NEGR1: variants seen among roughly 807,000 people sequenced by gnomAD.
NEGR1 encodes IgLON family member 4.
NEGR1 carries 10 observed loss-of-function variants against 40.9 expected under a neutral mutation model. That is an observed-to-expected ratio of 0.24 (90% confidence interval 0.15 to 0.42). NEGR1 has a LOEUF of 0.42. Ranked by LOEUF, NEGR1 falls within the 10% of genes least tolerant of loss-of-function variation. The probability of loss-of-function intolerance (pLI) is 1.00; values close to 1 mark genes in which losing one functional copy is unlikely to be tolerated. For synonymous variants in NEGR1, 185 were observed against 166.8 expected (o/e 1.11, Z -0.84); for missense variants, 352 against 438.9 (o/e 0.80, Z 1.77).
chr1:71,991,549 C>T (rs1435926899), intron 1 of NEGR1, among the ~76,000 whole-genome samples: 1 of 152,172 alleles, frequency 6.6e-6, no homozygotes, highest in Non-Finnish European at 1.5e-5. Context: ...GGTCCTAAAA[C>T]TTAGCTTCAA....
intron 1 of NEGR1, among the ~76,000 whole-genome samples, chr1:72,241,802 A>T (rs1022024304): frequency 6.6e-6 from 1 of 151,788 alleles, no homozygotes; most frequent in Admixed American, 6.6e-5. Flanking sequence ...TGGAAAAAAA[A>T]GTAACAACAC....
At chr1:71,847,293 T>C (rs750493733) in intron 2 of NEGR1, among the ~76,000 whole-genome samples, 5 of 152,240 alleles carry the variant, frequency 3.3e-5, no homozygotes, top group Non-Finnish European at 5.9e-5. Flanking sequence ...CATAATGTTT[T>C]GAAATGCAGG....
chr1:71,786,891 C>T (rs1418004632), intron 2 of NEGR1, among the ~76,000 whole-genome samples: 3 of 152,164 alleles, frequency 2.0e-5, no homozygotes, highest in Non-Finnish European at 4.4e-5. Context: ...TATTTGTTTC[C>T]GGTACTGTTC....
intron 1 of NEGR1, among the ~76,000 whole-genome samples, chr1:72,143,895 TTATA>T (rs531659289): frequency 2.1e-5 from 2 of 95,836 alleles, no homozygotes; most frequent in Non-Finnish European, 4.1e-5. Context: ...TATATATATA[TTATA>T]TATATGATAT....
At chr1:71,834,886 A>AACACACACACACACACACACACACAC (rs1330229060) in intron 2 of NEGR1, among the ~76,000 whole-genome samples, 3,297 of 78,094 alleles carry the variant, frequency 0.042, 54 homozygotes, top group Middle Eastern at 0.17. Context: ...ATTTTAGGAG[A>AACACACACACACACACACACACACAC]TCACACACAC....
rs146903844 is a variant in NEGR1 at position 71,715,556 on chromosome 1, A to C, written c.536-17417T>G. ...GAATGCATAAAACTGAATGCTTTTA[A>C]GAGCACCCAAGTCACTCCTTGAACA... On this transcript the variant is annotated intron_variant, in intron 3 of 6. Coordinates refer to ENST00000357731, the MANE Select transcript of NEGR1 (RefSeq NM_173808.3). Among the ~76,000 whole-genome samples the C allele has an allele frequency of 2.0e-5, 3 of 152,304 alleles. No homozygotes were observed. The East Asian group carries it at 5.8e-4, about 29-fold the overall frequency.
intron 3 of NEGR1, among the ~76,000 whole-genome samples, chr1:71,699,699 G>A (rs1272255605): frequency 6.6e-6 from 1 of 151,704 alleles, no homozygotes; most frequent in Non-Finnish European, 1.5e-5. Context: ...GATTTGGAGG[G>A]GTCAGGGGCA....
chr1:71,483,253 AG>A (rs1646866000), intron 6 of NEGR1, among the ~76,000 whole-genome samples: 1 of 151,826 alleles, frequency 6.6e-6, no homozygotes, highest in African/African-American at 2.4e-5. Flanking sequence ...TAGAAAATGA[AG>A]GCAGAAATAT....
intron 1 of NEGR1, among the ~76,000 whole-genome samples, chr1:71,971,665 TAA>T (rs2100319831): frequency 6.6e-6 from 1 of 152,344 alleles, no homozygotes; most frequent in East Asian, 1.9e-4. Flanking sequence ...CATGACTTTG[TAA>T]GTTTTACAAA....
chr1:71,739,211 A>C (rs6424445), intron 3 of NEGR1, among the ~76,000 whole-genome samples: 60,700 of 147,252 alleles, frequency 0.41, 14,938 homozygotes, highest in Middle Eastern at 0.6. Flanking sequence ...AAAAAAAAAA[A>C]AAAAAACAAA....
At chr1:72,123,535 T>C (rs911896151) in intron 1 of NEGR1, among the ~76,000 whole-genome samples, 14 of 151,702 alleles carry the variant, frequency 9.2e-5, no homozygotes, top group African/African-American at 2.4e-5. Context: ...GGATGAAGAA[T>C]TCAATACTAG....
rs1208200035 is a variant in NEGR1 at position 71,944,434 on chromosome 1, A to G, written c.177-9123T>C. Among the ~76,000 whole-genome samples the G allele has an allele frequency of 2.6e-5, 4 of 152,292 alleles. No homozygotes were observed. The East Asian group carries it at 7.7e-4, about 29-fold the overall frequency. The stretch of plus-strand genomic sequence containing the variant: ...TACACCTTATCCCTAAATTGAGGGA[A>G]TAAAGGACATGGACTTCTCTAGTAA... On this transcript the variant is annotated intron_variant, in intron 1 of 6. Coordinates refer to ENST00000357731, the MANE Select transcript of NEGR1 (RefSeq NM_173808.3).
At chr1:71,983,539 T>C (rs1557468148) in intron 1 of NEGR1, among the ~76,000 whole-genome samples, 1 of 152,202 alleles carries the variant, frequency 6.6e-6, no homozygotes. Context: ...AATTTTTGCA[T>C]ACTCCACAGG....
At chr1:72,210,446 A>G (rs1390776144) in intron 1 of NEGR1, among the ~76,000 whole-genome samples, 1 of 151,974 alleles carries the variant, frequency 6.6e-6, no homozygotes, top group African/African-American at 2.4e-5. Context: ...AAACGCAAGC[A>G]GAATGAGCCA....
intron 2 of NEGR1, among the ~76,000 whole-genome samples, chr1:71,869,904 G>A (rs1265250742): frequency 7.0e-6 from 1 of 142,638 alleles, no homozygotes; most frequent in Non-Finnish European, 1.5e-5. Context: ...TTTTTTGACA[G>A]AGTCTCCCTC....
chr1:71,494,824 T>C (rs149609948), intron 6 of NEGR1, among the ~76,000 whole-genome samples: 168 of 152,236 alleles, frequency 1.1e-3, no homozygotes, highest in African/African-American at 3.0e-3. Flanking sequence ...ATCTATATAT[T>C]GACTGTTCAC....
chr1:71,901,669 T>C lies in NEGR1; in HGVS notation c.409+33410A>G, dbSNP rs920388821. Among the ~76,000 whole-genome samples the C allele has an allele frequency of 4.4e-5, 4 of 91,340 alleles. No homozygotes were observed. The East Asian group carries it at 8.5e-4, about 20-fold the overall frequency. 59.9% of individuals were successfully genotyped at this position (91,340 alleles called of 152,430 possible). A position where few individuals can be genotyped will look rare whatever the true frequency, so the allele number is the denominator to read the frequency against. On this transcript the variant is annotated intron_variant, in intron 2 of 6. Coordinates refer to ENST00000357731, the MANE Select transcript of NEGR1 (RefSeq NM_173808.3). ...TTTTTCTAAAAATGAGATATAAATT[T>C]TTTTTTTTTTTTTTTTTTTGAGACG...
At chr1:71,459,455 T>C (rs1646698861) in intron 6 of NEGR1, among the ~76,000 whole-genome samples, 3 of 152,374 alleles carry the variant, frequency 2.0e-5, no homozygotes, top group South Asian at 4.1e-4. Context: ...GAAGACTTTC[T>C]GCTGCCCATC....
chr1:71,561,297 T>C (rs1330232433), intron 6 of NEGR1, among the ~76,000 whole-genome samples: 1 of 151,694 alleles, frequency 6.6e-6, no homozygotes, highest in Admixed American at 6.6e-5. Flanking sequence ...CCATAGCCCA[T>C]GTTATTATAC....
Sources: allele counts gnomAD v4.1 joint callset (sites outside exome capture counted in the v4.1 genomes callset), GRCh38; gene constraint gnomAD v4.1.1; transcripts MANE v1.5; gene names NCBI Gene and HGNC (gene_info 2026-07-23, HGNC 2026-07-21).